Variants in ERBB3 observed in about 807,000 individuals in gnomAD.
ERBB3 encodes the protein erb-b2 receptor tyrosine kinase 3.
ERBB3 carries 96 observed loss-of-function variants against 156.7 expected under a neutral mutation model. The observed-to-expected ratio is 0.61, with a 90% CI of 0.52 to 0.73. The LOEUF (loss-of-function observed/expected upper bound fraction) is 0.73. Among genes scored for constraint, ERBB3 ranks in the 30% least tolerant of loss-of-function variants. ERBB3 has a pLI of 0.00. For missense variants in ERBB3, 1,406 were observed against 1,709.4 expected (o/e 0.82, Z 3.13); for synonymous variants, 567 against 632.0 (o/e 0.90, Z 1.54).
Position 56,098,485 on chromosome 12 carries a change from A to G in ERBB3, c.2617-15A>G, listed in dbSNP as rs1023206791. 7.6e-6 allele frequency: 12 copies of G among 1,584,632 alleles called. No individual in the cohort carries two copies. Among genetic ancestry groups the G allele is most frequent in the Admixed American group, 1.7e-5 (1 of 59,948 alleles). On this transcript the variant is annotated splice_polypyrimidine_tract_variant and intron_variant, in intron 21 of 27. Transcript: ENST00000267101. The stretch of plus-strand genomic sequence containing the variant: ...GTGGAAATAAACTTGTGATACCTCT[A>G]TCTTTAATCCGCAGACTCCAATTAA...
At chr12:56,097,486 G>C (rs1401516816) in intron 20 of ERBB3, among the ~76,000 whole-genome samples, 1 of 152,084 alleles carries the variant, frequency 6.6e-6, no homozygotes, top group Non-Finnish European at 1.5e-5. Context: ...TCAGATCAGG[G>C]GCAGCATTAG....
chr12:56,098,427 A>G, intron 21 of ERBB3, 73 bp from the exon 22 acceptor site: 7 of 1,160,924 alleles, frequency 6.0e-6, no homozygotes, highest in East Asian at 4.7e-5. Flanking sequence ...AAAAAAAAAA[A>G]GAATTTGGGA....
Position 56,102,015 on chromosome 12 carries a change from A to G in ERBB3, c.3989A>G (p.His1330Arg). The change falls in exon 28 of 28, where the codon CAT (histidine) becomes CGT (arginine). Residue 1330 changes from histidine to arginine, a missense_variant. This residue lies in a region of ERBB3 where 415 missense variants were observed against 454.1 expected (regional missense o/e 0.91). Coordinates refer to ENST00000267101, the MANE Select transcript of ERBB3 (RefSeq NM_001982.4). ...DSAFDNPDYW[H>R]SRLFPKANAQ... ...GCCTTTGATAACCCTGATTACTGGC[A>G]TAGCAGGCTTTTCCCCAAGGCTAAT... is the stretch of plus-strand genomic sequence containing the variant. 6.2e-7 allele frequency: 1 copy of G among 1,612,978 alleles called. No homozygotes were observed. The highest frequency in any genetic ancestry group is 1.1e-5 in the South Asian group (1 of 91,072).
In ERBB3 at chr12:56,101,212, G is replaced by A. The variant is rs201958747; in HGVS notation, c.3353G>A (p.Arg1118Gln). The A allele has an allele frequency of 8.8e-5, 142 of 1,613,804 alleles. No homozygotes were observed. In the East Asian group the frequency reaches 2.3e-3, roughly 26 times the overall value. ...GAGAAAGTGTCAATGTGTAGGAGCC[G>A]GAGCAGGAGCCGGAGCCCACGGCCA... ...LQEKVSMCRSRSRSRSPRPRG... is the reference protein window; with the variant it reads ...LQEKVSMCRSQSRSRSPRPRG... The change falls in exon 27 of 28, where the codon CGG (arginine) becomes CAG (glutamine). Residue 1118 changes from arginine to glutamine, a missense_variant. Physicochemically the swap from Arg to Gln is conservative, Grantham distance 43. Around this residue, in one of 3 missense-constraint regions of ERBB3, gnomAD observed 415 missense variants for 454.1 expected, o/e 0.91. Transcript: ENST00000267101.
At chr12:56,094,364 G>T in intron 14 of ERBB3, 38 bp from the exon 15 acceptor site, 1 of 1,613,156 alleles carries the variant, frequency 6.2e-7, no homozygotes, top group Non-Finnish European at 8.5e-7. Context: ...AATTGACCTT[G>T]GGATCTGATT....
rs747423003 is a variant in ERBB3, at chr12:56,096,651, G to A, written c.2175+29G>A. The A allele has an allele frequency of 5.0e-6, 8 of 1,614,058 alleles. No individual in the cohort carries two copies. The African/African-American group carries it at 1.1e-4, about 22-fold the overall frequency. On this transcript the variant is annotated intron_variant, in intron 18 of 27. Coordinates refer to ENST00000267101, the MANE Select transcript of ERBB3 (RefSeq NM_001982.4). ...AGTGACCCATAGGAATTCTGGAGAG[G>A]TGGGGAAGGCATCTAGGGCAAAGGG... is the stretch of plus-strand genomic sequence containing the variant.
At chr12:56,092,088 T>TAAAAAAAAAAAAAAAAAA (rs778531663) in intron 9 of ERBB3, among the ~76,000 whole-genome samples, 1 of 111,824 alleles carries the variant, frequency 8.9e-6, no homozygotes, top group African/African-American at 3.3e-5. Context: ...CCCTGTCTCT[T>TAAAAAAAAAAAAAAAAAA]AAAAAAAAAA....
At chr12:56,096,939 T>A (rs1425741162) in intron 19 of ERBB3, 93 bp downstream of exon 19, 2 of 1,289,338 alleles carry the variant, frequency 1.6e-6, no homozygotes, top group African/African-American at 2.9e-5. Context: ...CAGCAGCTAC[T>A]ATGTTAGCCA....
Position 56,100,010 on chromosome 12 carries a change from C to A in ERBB3, c.3110C>A (p.Thr1037Lys). 1 of 1,614,254 alleles carries A rather than the reference C, an allele frequency of 6.2e-7. No homozygotes were observed. Among genetic ancestry groups the A allele is most frequent in the Non-Finnish European group, 8.5e-7 (1 of 1,180,036 alleles). ...TCCGCCCTCAGCCTACCAGTTGGAA[C>A]ACTTAATCGGCCACGTGGGGTAAGA... Reference protein sequence around the residue: ...LGSALSLPVGTLNRPRGSQSL... With the variant: ...LGSALSLPVGKLNRPRGSQSL... The change falls in exon 25 of 28, where the codon ACA becomes AAA. Residue 1037 changes from threonine to lysine, a missense_variant. By Grantham distance (78) the Thr-to-Lys change is moderately conservative. Transcript: ENST00000267101.
chr12:56,089,670 A>G lies in ERBB3; in HGVS notation c.1109+802A>G, dbSNP rs368698085. ...TGAGGCACGAGAATCACTTGAACCC[A>G]GGAGGCGGAAATTGCAGTGAACCGA... On this transcript the variant is annotated intron_variant, in intron 9 of 27. Transcript: ENST00000267101. 2.8e-4 allele frequency among the ~76,000 whole-genome samples: 42 copies of G among 151,868 alleles called. No individual in the cohort carries two copies. The East Asian group carries it at 3.5e-3, about 13-fold the overall frequency.
At chr12:56,084,430 G>A (rs899967300) in intron 2 of ERBB3, among the ~76,000 whole-genome samples, 18 of 151,918 alleles carry the variant, frequency 1.2e-4, no homozygotes, top group African/African-American at 4.4e-4. Flanking sequence ...GGGCAATGTG[G>A]TGAAACGCTG....
chr12:56,087,559 G>A lies in ERBB3; in HGVS notation c.548-18G>A. ...CTTAGCCCTGATGGCCCCTTGTGTT[G>A]CCTTCCTTCCCAACCAGGTCCCCCC... is the stretch of plus-strand genomic sequence containing the variant. On this transcript the variant is annotated intron_variant, in intron 4 of 27. Transcript: ENST00000267101. 1 of 1,612,360 alleles carries A rather than the reference G, an allele frequency of 6.2e-7. No homozygotes were observed. Among genetic ancestry groups the A allele is most frequent in the Non-Finnish European group, 8.5e-7 (1 of 1,178,404 alleles).
intron 2 of ERBB3, among the ~76,000 whole-genome samples, chr12:56,084,335 G>A (rs769891259): frequency 9.8e-5 from 15 of 152,320 alleles, no homozygotes; most frequent in Non-Finnish European, 2.1e-4. Flanking sequence ...TTAAGGCCAG[G>A]TGCAGTGGCT....
In ERBB3 at chr12:56,101,680, G is replaced by A. The variant is rs1485308179; in HGVS notation, c.3654G>A (p.Glu1218=). 1 of 1,613,960 alleles carries A rather than the reference G, an allele frequency of 6.2e-7. No individual in the cohort carries two copies. Among genetic ancestry groups the A allele is most frequent in the Non-Finnish European group, 8.5e-7 (1 of 1,180,036 alleles). Residue 1218 remains glutamate (E), a synonymous_variant, in exon 28 of 28, where the codon GAG becomes GAA. Coordinates refer to ENST00000267101, the MANE Select transcript of ERBB3 (RefSeq NM_001982.4). ...ATCCCCCTAGGCCAAGTTCCCTTGA[G>A]GAGCTGGGTTATGAGTACATGGATG... is the stretch of plus-strand genomic sequence containing the variant. ...PPHPPRPSSL[E]ELGYEYMDVG...
intron 9 of ERBB3, among the ~76,000 whole-genome samples, chr12:56,091,928 C>T (rs1218507327): frequency 1.3e-5 from 2 of 151,954 alleles, no homozygotes; most frequent in Admixed American, 6.6e-5. Flanking sequence ...AAGAGTCTTT[C>T]CAGCTGAGCA....
At position 56,088,648 on chromosome 12, in the gene ERBB3, G is replaced by C. The variant is rs759969948; in HGVS notation, c.980G>C (p.Cys327Ser). 85 of 1,613,924 alleles carry C rather than the reference G, an allele frequency of 5.3e-5. No individual in the cohort carries two copies. The highest frequency in any genetic ancestry group is 6.9e-5 in the Non-Finnish European group (81 of 1,179,910). Residue 327 changes from cysteine (C) to serine (S), a missense_variant, in exon 8 of 28, where the codon TGT becomes TCT. Physicochemically the swap from Cys to Ser is moderately radical, Grantham distance 112. Around this residue, in one of 3 missense-constraint regions of ERBB3, gnomAD observed 979 missense variants for 1,219.6 expected, o/e 0.80. Transcript: ENST00000267101. ...ATGTGTGAGCCTTGTGGGGGACTAT[G>C]TCCCAAAGGTGGGTAGGAGATGGTA... Reference protein sequence around the residue: ...LKMCEPCGGLCPKACEGTGSG... With the variant: ...LKMCEPCGGLSPKACEGTGSG...
Position 56,101,588 on chromosome 12 carries a change from A to G in ERBB3, c.3562A>G (p.Thr1188Ala). Reference protein sequence around the residue: ...SSVGLSSVLGTEEEDEDEEYE... With the variant: ...SSVGLSSVLGAEEEDEDEEYE... ...AGTGGGTCTCAGTTCTGTCCTGGGT[A>G]CTGAAGAAGAAGATGAAGATGAGGA... Residue 1188 changes from threonine (T) to alanine (A), a missense_variant, in exon 28 of 28, where the codon ACT (threonine) becomes GCT (alanine). This residue lies in a region of ERBB3 where 415 missense variants were observed against 454.1 expected (regional missense o/e 0.91). Transcript: ENST00000267101. 1 of 1,614,022 alleles carries G rather than the reference A, an allele frequency of 6.2e-7. No homozygotes were observed. The highest frequency in any genetic ancestry group is 2.2e-5 in the East Asian group (1 of 44,882).
At position 56,101,282 on chromosome 12, in the gene ERBB3, T is replaced by C. The variant is rs937886516; in HGVS notation, c.3423T>C (p.Thr1141=). ...AYHSQRHSLL[T]PVTPLSPPGL... ...ATTCCCAGCGCCACAGTCTGCTGAC[T>C]CCTGTTACCCCACTCTCCCCACCCG... Residue 1141 remains threonine, a synonymous_variant, in exon 27 of 28, where the codon ACT becomes ACC. Coordinates refer to ENST00000267101, the MANE Select transcript of ERBB3 (RefSeq NM_001982.4). The C allele has an allele frequency of 6.8e-6, 11 of 1,614,006 alleles. No individual in the cohort carries two copies. The highest frequency in any genetic ancestry group is 8.5e-6 in the Non-Finnish European group (10 of 1,180,024).
chr12:56,080,342 C>T lies in ERBB3; in HGVS notation c.42C>T (p.Phe14=). 10 of 1,592,382 alleles carry T rather than the reference C, an allele frequency of 6.3e-6. No homozygotes were observed. The highest frequency in any genetic ancestry group is 8.6e-6 in the Non-Finnish European group (10 of 1,168,674). The change falls in exon 1 of 28, where the codon TTC becomes TTT. Residue 14 remains phenylalanine (F), a synonymous_variant. Coordinates refer to ENST00000267101, the MANE Select transcript of ERBB3 (RefSeq NM_001982.4). ...CTCTGCAGGTGCTGGGCTTGCTTTT[C>T]AGCCTGGCCCGGGGCTCCGAGGTGG... ...NDALQVLGLL[F]SLARGSEVGN... is the part of the protein sequence containing the mutation.
Sources: gnomAD v4.1 joint callset for allele counts (sites outside exome capture counted in the v4.1 genomes callset) on GRCh38, gnomAD v4.1.1 for gene constraint, gnomAD v4.1.1 regional missense constraint, MANE v1.5 for transcripts, NCBI Gene and HGNC (gene_info 2026-07-23, HGNC 2026-07-21) for gene names.